The following CUEDC1 variants were observed in gnomAD, a reference collection of about 807,000 sequenced individuals.
The protein encoded by CUEDC1 is CUE domain-containing protein 1.
CUEDC1 carries 30 observed loss-of-function variants against 43.7 expected under a neutral mutation model. The ratio of observed to expected loss-of-function variants is 0.69; its 90% CI spans 0.51 to 0.93. The LOEUF is 0.93. CUEDC1 is among the 40% of genes least tolerant of loss of function. CUEDC1 has a pLI of 0.00. For missense variants in CUEDC1, 486 were observed against 549.0 expected, an observed-to-expected ratio of 0.89 and a Z score of 1.15; for synonymous variants, 223 against 223.6, an observed-to-expected ratio of 1.00 and a Z score of 0.02.
intron 4 of CUEDC1, 135 bp from the exon 5 acceptor site, chr17:57,872,990 G>A: frequency 2.4e-6 from 2 of 823,998 alleles, no homozygotes; most frequent in Non-Finnish European, 1.9e-6. Context: ...CCTCCTAATG[G>A]AACCTGGTTG....
chr17:57,947,812 T>A (rs1166037737), intron 1 of CUEDC1, among the ~76,000 whole-genome samples: 1 of 151,410 alleles, frequency 6.6e-6, no homozygotes, highest in Admixed American at 6.6e-5. Flanking sequence ...CATAAATAAA[T>A]AAATAATAAA....
intron 1 of CUEDC1, among the ~76,000 whole-genome samples, chr17:57,936,518 C>A (rs1277812978): frequency 6.6e-6 from 1 of 152,130 alleles, no homozygotes; most frequent in Non-Finnish European, 1.5e-5. Context: ...ATTCTGCAGA[C>A]TCATCCCTAA....
rs1239808866 is a variant in CUEDC1 at position 57,955,038 on chromosome 17, C to T, written c.-316+187G>A. 6.6e-6 allele frequency among the ~76,000 whole-genome samples: 1 copy of T among 150,988 alleles called. No homozygotes were observed. Among genetic ancestry groups the T allele is most frequent in the Non-Finnish European group, 1.5e-5 (1 of 67,564 alleles). On this transcript the variant is annotated intron_variant, in intron 1 of 10. Coordinates refer to ENST00000577830, the MANE Select transcript of CUEDC1 (RefSeq NM_001271875.2). The surrounding 1 kb of genome is among the most constrained non-coding windows in gnomAD (Gnocchi z 5.3). ...GGGGACCTGCCGCACGCGGAGCTCC[C>T]GGGGAGCCGCGCCGACAGCCCCGGG...
intron 1 of CUEDC1, among the ~76,000 whole-genome samples, chr17:57,926,465 G>C (rs1243184482): frequency 6.6e-6 from 1 of 151,938 alleles, no homozygotes; most frequent in African/African-American, 2.4e-5. Context: ...TTACAGATCG[G>C]TGAGAAATGT....
chr17:57,905,928 G>T (rs554598409), intron 1 of CUEDC1, among the ~76,000 whole-genome samples: 3 of 152,296 alleles, frequency 2.0e-5, no homozygotes, highest in African/African-American at 7.2e-5. Flanking sequence ...AATATGCCTT[G>T]TTTCTGCAGT....
chr17:57,882,151 C>A (rs574043060), intron 2 of CUEDC1, among the ~76,000 whole-genome samples: 2 of 152,158 alleles, frequency 1.3e-5, no homozygotes, highest in Non-Finnish European at 2.9e-5. Context: ...GGATACCCCT[C>A]GGGCCAGCCC....
chr17:57,896,487 GGTGTGTGTGT>G (rs1555660568), intron 1 of CUEDC1, among the ~76,000 whole-genome samples: 10 of 130,372 alleles, frequency 7.7e-5, no homozygotes, highest in South Asian at 5.0e-4. Context: ...TGCATTATGG[GGTGTGTGTGT>G]GTGTGTGTGT....
At chr17:57,936,161 C>T (rs1288177089) in intron 1 of CUEDC1, among the ~76,000 whole-genome samples, 1 of 152,302 alleles carries the variant, frequency 6.6e-6, no homozygotes, top group East Asian at 1.9e-4. Context: ...CTGTGGGCTG[C>T]GGGAAACCAC....
intron 2 of CUEDC1, among the ~76,000 whole-genome samples, chr17:57,884,471 C>T (rs1003797422): frequency 4.6e-5 from 7 of 152,276 alleles, no homozygotes; most frequent in African/African-American, 1.2e-4. Flanking sequence ...GCTGGGATTA[C>T]AGGCATGAGC....
intron 9 of CUEDC1, 42 bp downstream of exon 9, chr17:57,867,315 A>G (rs1200179119): frequency 2.0e-6 from 3 of 1,536,844 alleles, no homozygotes; most frequent in Non-Finnish European, 2.6e-6. Flanking sequence ...GAGATCACCG[A>G]TCATAGAGAA....
chr17:57,910,815 C>T (rs1291795068), intron 1 of CUEDC1, among the ~76,000 whole-genome samples: 1 of 152,066 alleles, frequency 6.6e-6, no homozygotes, highest in African/African-American at 2.4e-5. Context: ...TTCTTTAAAA[C>T]ATTTCAAAGA....
intron 1 of CUEDC1, among the ~76,000 whole-genome samples, chr17:57,896,202 A>T (rs572311886): frequency 4.6e-5 from 7 of 152,196 alleles, no homozygotes; most frequent in Admixed American, 3.3e-4. Flanking sequence ...TTCCACTTCT[A>T]TGAAATTTAC....
chr17:57,884,618 C>T (rs2074262402), intron 2 of CUEDC1, among the ~76,000 whole-genome samples: 1 of 152,168 alleles, frequency 6.6e-6, no homozygotes, highest in East Asian at 1.9e-4. Context: ...ATTTCACCTC[C>T]CAGACTCTGC....
chr17:57,894,183 C>A (rs114013058), intron 1 of CUEDC1, among the ~76,000 whole-genome samples: 2,371 of 152,284 alleles, frequency 0.016, 73 homozygotes, highest in African/African-American at 0.054. Context: ...CCCAGAGAAG[C>A]AGGACACCTG....
chr17:57,890,941 A>T (rs959127578), intron 1 of CUEDC1, among the ~76,000 whole-genome samples: 1 of 152,228 alleles, frequency 6.6e-6, no homozygotes, highest in African/African-American at 2.4e-5. Context: ...ATTTGTAGAC[A>T]TAGGGGAGGA....
chr17:57,911,085 C>A (rs1353788895), intron 1 of CUEDC1, among the ~76,000 whole-genome samples: 1 of 152,154 alleles, frequency 6.6e-6, no homozygotes, highest in Non-Finnish European at 1.5e-5. Flanking sequence ...TCTGCATCAG[C>A]GGTCCTCATG....
chr17:57,921,834 C>T (rs1461116012), intron 1 of CUEDC1, among the ~76,000 whole-genome samples: 1 of 152,100 alleles, frequency 6.6e-6, no homozygotes, highest in African/African-American at 2.4e-5. Context: ...CAGATTTGGT[C>T]AGGCGCAGTG....
chr17:57,916,615 A>C (rs150935699), intron 1 of CUEDC1, among the ~76,000 whole-genome samples: 67 of 152,314 alleles, frequency 4.4e-4, no homozygotes, highest in Non-Finnish European at 2.8e-4. Context: ...AGACAGCGGA[A>C]GGATGAAAGG....
intron 1 of CUEDC1, among the ~76,000 whole-genome samples, chr17:57,909,567 C>T (rs182140292): frequency 1.6e-4 from 25 of 152,330 alleles, no homozygotes; most frequent in Admixed American, 1.1e-3. Context: ...AGTCCTCAGC[C>T]TCATCCAAGA....
Sources: gnomAD v4.1 joint callset for allele counts (sites outside exome capture counted in the v4.1 genomes callset) on GRCh38, gnomAD v4.1.1 for gene constraint, Gnocchi (gnomAD v3.1) non-coding constraint, MANE v1.5 for transcripts, NCBI Gene and HGNC (gene_info 2026-07-23, HGNC 2026-07-21) for gene names.